Variants in VWDE observed in about 807,000 individuals in gnomAD.
VWDE encodes von Willebrand factor D and EGF domains, also known as von Willebrand factor D and EGF domain-containing protein.
VWDE carries 207 observed loss-of-function variants against 178.4 expected under a neutral mutation model. The observed-to-expected ratio is 1.16, with a 90% confidence interval of 1.04 to 1.30. The LOEUF is 1.30. Among genes scored for constraint, VWDE ranks in the 50% most tolerant of loss-of-function variants. VWDE has a pLI of 0.00. For synonymous variants in VWDE, 738 were observed against 651.4 expected (o/e 1.13, Z -2.02); for missense variants, 2,287 against 1,901.3 (o/e 1.20, Z -3.77).
At chr7:12,343,630 C>T (rs1223335634) in intron 21 of VWDE, among the ~76,000 whole-genome samples, 1 of 152,102 alleles carries the variant, frequency 6.6e-6, no homozygotes, top group Non-Finnish European at 1.5e-5. Context: ...ATTATATGCA[C>T]CATCTACCAA....
chr7:12,337,908 T>C (rs1418750507), intron 24 of VWDE, among the ~76,000 whole-genome samples: 1 of 152,172 alleles, frequency 6.6e-6, no homozygotes, highest in African/African-American at 2.4e-5. Context: ...TTTTATGAGA[T>C]GGTTATGATT....
Position 12,357,398 on chromosome 7 carries a change from A to T in VWDE, c.3392T>A (p.Leu1131Ter). 2 of 1,551,986 alleles carry T rather than the reference A, an allele frequency of 1.3e-6. No individual in the cohort carries two copies. Among genetic ancestry groups the T allele is most frequent in the South Asian group, 2.4e-5 (2 of 84,062 alleles). ...ACTTGCCCCTTCAGGACCAGAGTCCAACGTAAAATGGATGTCAGAACCTTC... is the reference window on the plus strand; with the variant it reads ...ACTTGCCCCTTCAGGACCAGAGTCCTACGTAAAATGGATGTCAGAACCTTC... ...DPEGSDIHFT[L>*]DSGPEGASVS... The change falls in exon 17 of 29, where the codon TTG becomes TAG. Residue 1131 changes from leucine (L) to a stop codon, truncating the protein, a stop_gained. Transcript: ENST00000275358. LOFTEE classifies it high-confidence loss of function.
At chr7:12,380,227 T>C (rs1292341477) in intron 5 of VWDE, among the ~76,000 whole-genome samples, 2 of 151,140 alleles carry the variant, frequency 1.3e-5, no homozygotes, top group Non-Finnish European at 2.9e-5. Flanking sequence ...ACTTAAAGTA[T>C]AATAAATATA....
chr7:12,369,929 G>A lies in VWDE; in HGVS notation c.2377C>T (p.Pro793Ser), dbSNP rs1471782559. ...AGGCCAGAGGGAGTGGGCCAAGAGGGGAAAAACTCTTGCTGTACATCCTCA... is the reference window on the plus strand; with the variant it reads ...AGGCCAGAGGGAGTGGGCCAAGAGGAGAAAAACTCTTGCTGTACATCCTCA... ...HAEDVQQEFF[P>S]SWPTPSGLTE... The change falls in exon 12 of 29, where the codon CCC becomes TCC. Residue 793 changes from proline to serine, a missense_variant. Pro to Ser is a moderately conservative substitution (Grantham distance 74). Coordinates refer to ENST00000275358, the MANE Select transcript of VWDE (RefSeq NM_001135924.3). 1.3e-6 allele frequency: 2 copies of A among 1,551,256 alleles called. No individual in the cohort carries two copies. Among genetic ancestry groups the A allele is most frequent in the Non-Finnish European group, 1.7e-6 (2 of 1,146,828 alleles).
chr7:12,394,516 G>A (rs1784538536), intron 1 of VWDE, among the ~76,000 whole-genome samples: 1 of 152,096 alleles, frequency 6.6e-6, no homozygotes, highest in African/African-American at 2.4e-5. Context: ...GAAATCCACA[G>A]AGGCCGAACA....
At chr7:12,347,760 C>T (rs112206207) in intron 19 of VWDE, among the ~76,000 whole-genome samples, 16,858 of 151,736 alleles carry the variant, frequency 0.11, 1,313 homozygotes, top group Non-Finnish European at 0.16. Flanking sequence ...GAGCCCACAT[C>T]GCCAAGTCAA....
chr7:12,369,415 T>C, intron 12 of VWDE, 130 bp downstream of exon 12: 1 of 1,195,060 alleles, frequency 8.4e-7, no homozygotes. Flanking sequence ...TGTTCATTAA[T>C]ATGATTTGGA....
At chr7:12,378,295 G>T (rs1323128879) in intron 6 of VWDE, among the ~76,000 whole-genome samples, 1 of 152,160 alleles carries the variant, frequency 6.6e-6, no homozygotes, top group Non-Finnish European at 1.5e-5. Context: ...GAAGACTCTG[G>T]TTTTTCTTAG....
chr7:12,351,564 A>G lies in VWDE; in HGVS notation c.3886+9T>C, dbSNP rs1368984106. 8.4e-6 allele frequency: 13 copies of G among 1,543,930 alleles called. No homozygotes were observed. Among genetic ancestry groups the G allele is most frequent in the African/African-American group, 1.4e-5 (1 of 72,504 alleles). On this transcript the variant is annotated intron_variant, in intron 19 of 28. Coordinates refer to ENST00000275358, the MANE Select transcript of VWDE (RefSeq NM_001135924.3). ...TTGTCATTAGATTTTAACTATGACC[A>G]TTACTTACTGAAGGCATTTCCACTT...
chr7:12,336,565 G>C (rs1781044503), intron 26 of VWDE, among the ~76,000 whole-genome samples: 1 of 152,056 alleles, frequency 6.6e-6, no homozygotes, highest in Admixed American at 6.5e-5. Flanking sequence ...TTATAGAAAG[G>C]AAAAAAATGA....
intron 18 of VWDE, chr7:12,354,278 C>G (rs926721223): frequency 2.8e-6 from 1 of 357,598 alleles, no homozygotes; most frequent in Non-Finnish European, 5.4e-6. Flanking sequence ...GAGTCAAAAA[C>G]AGAAACTATG....
intron 19 of VWDE, among the ~76,000 whole-genome samples, chr7:12,347,420 T>C (rs1261446611): frequency 6.6e-6 from 1 of 152,114 alleles, no homozygotes; most frequent in Non-Finnish European, 1.5e-5. Flanking sequence ...TGAAGGTATA[T>C]ATCAGAGATA....
intron 13 of VWDE, among the ~76,000 whole-genome samples, chr7:12,362,010 C>T (rs895793728): frequency 3.9e-5 from 6 of 151,934 alleles, no homozygotes; most frequent in East Asian, 1.9e-4. Flanking sequence ...GGTGCAGGGG[C>T]GGACCTAAGC....
chr7:12,361,004 T>G (rs887492403), intron 15 of VWDE, 143 bp downstream of exon 15: 3 of 515,930 alleles, frequency 5.8e-6, no homozygotes, highest in African/African-American at 2.0e-5. Context: ...ACAATTTCAG[T>G]TAACTTATAT....
intron 18 of VWDE, among the ~76,000 whole-genome samples, chr7:12,355,187 TG>T (rs1562478517): frequency 6.6e-6 from 1 of 152,022 alleles, no homozygotes; most frequent in Non-Finnish European, 1.5e-5. Context: ...GAGGCTGAGA[TG>T]GGCGGATCAC....
intron 13 of VWDE, among the ~76,000 whole-genome samples, chr7:12,366,441 T>G (rs1341733759): frequency 6.6e-6 from 1 of 152,170 alleles, no homozygotes; most frequent in African/African-American, 2.4e-5. Flanking sequence ...TATGATTTAT[T>G]CTGCCATGAC....
intron 18 of VWDE, among the ~76,000 whole-genome samples, chr7:12,352,246 A>T (rs1279711029): frequency 1.3e-5 from 2 of 152,114 alleles, no homozygotes; most frequent in Admixed American, 6.6e-5. Context: ...CCACCCGATC[A>T]ATTTTGCCCA....
chr7:12,344,256 T>C lies in VWDE; in HGVS notation c.4017A>G (p.Lys1339=). The change falls in exon 21 of 29, where the codon AAA becomes AAG. Residue 1339 remains lysine, a synonymous_variant. Coordinates refer to ENST00000275358, the MANE Select transcript of VWDE (RefSeq NM_001135924.3). ...ACTGACAAATGTTAGGCTTAATACA[T>C]TTTCCATGGTTTTTGCAATCAGGGT... ...LCDPDCKNHG[K]CIKPNICQCL... 6.4e-7 allele frequency: 1 copy of C among 1,551,214 alleles called. No homozygotes were observed. Among genetic ancestry groups the C allele is most frequent in the Non-Finnish European group, 8.7e-7 (1 of 1,146,620 alleles).
At chr7:12,375,689 T>C (rs1583325150) in intron 7 of VWDE, among the ~76,000 whole-genome samples, 1 of 152,096 alleles carries the variant, frequency 6.6e-6, no homozygotes, top group East Asian at 1.9e-4. Flanking sequence ...CAATGGCTTT[T>C]AATTATTGAT....
Sources: allele counts gnomAD v4.1 joint callset (sites outside exome capture counted in the v4.1 genomes callset), GRCh38; gene constraint gnomAD v4.1.1; transcripts MANE v1.5; gene names NCBI Gene and HGNC (gene_info 2026-07-23, HGNC 2026-07-21).